Variants in HLCS observed in about 807,000 individuals in gnomAD.
The protein encoded by HLCS is biotin--protein ligase.
HLCS carries 53 observed loss-of-function variants against 75.0 expected under a neutral mutation model. The observed-to-expected ratio is 0.71, with a 90% confidence interval of 0.57 to 0.89. HLCS has a LOEUF of 0.89. HLCS is among the 40% of genes least tolerant of loss of function. The pLI, the probability that HLCS is intolerant of heterozygous loss-of-function variation, is 0.00. For missense variants in HLCS, 966 were observed against 1,074.0 expected, an observed-to-expected ratio of 0.90 and a Z score of 1.41; for synonymous variants, 431 against 428.6, an observed-to-expected ratio of 1.01 and a Z score of -0.07.
chr21:36,983,423 C>T (rs982039908), intron 1 of HLCS, among the ~76,000 whole-genome samples: 2 of 151,852 alleles, frequency 1.3e-5, no homozygotes, highest in African/African-American at 4.8e-5. Flanking sequence ...GTTGGCCAGG[C>T]TGGTCTCGAA....
chr21:36,891,398 A>G (rs556132269), intron 6 of HLCS, among the ~76,000 whole-genome samples: 1 of 152,354 alleles, frequency 6.6e-6, no homozygotes, highest in South Asian at 2.1e-4. Flanking sequence ...GCACACAGTG[A>G]AACCTAATCT....
chr21:36,765,093 C>G lies in HLCS; in HGVS notation c.2040G>C (p.Gln680His), dbSNP rs756081904. 2 of 1,614,212 alleles carry G rather than the reference C, an allele frequency of 1.2e-6. No individual in the cohort carries two copies. The highest frequency in any genetic ancestry group is 1.3e-5 in the African/African-American group (1 of 75,064). The change falls in exon 8 of 11, where the codon CAG becomes CAC. Residue 680 changes from glutamine to histidine, a missense_variant. Transcript: ENST00000674895. Reference protein sequence around the residue: ...TLLISIPLRSQLGQRIPFVQH... With the variant: ...TLLISIPLRSHLGQRIPFVQH... ...GGACAAACGGGATCCTCTGTCCCAGCTGGGATCTCAGTGGAATGGAGATGA... is the reference window on the plus strand; with the variant it reads ...GGACAAACGGGATCCTCTGTCCCAGGTGGGATCTCAGTGGAATGGAGATGA...
rs2145744147 is a variant in HLCS at position 36,759,743 on chromosome 21, T to C, written c.2220A>G (p.Thr740=). The C allele has an allele frequency of 6.3e-7, 1 of 1,596,442 alleles. No individual in the cohort carries two copies. The highest frequency in any genetic ancestry group is 1.1e-5 in the South Asian group (1 of 90,756). Residue 740 remains threonine (T), a synonymous_variant, in exon 9 of 11, where the codon ACA becomes ACG. Transcript: ENST00000674895. ...GAAACTTACCAATAAGTATATAAAA[T>C]GTTTCTCCCATGAGTGTTGAGTTAA... ...VLVNSTLMGE[T]FYILIGCGFN...
intron 6 of HLCS, among the ~76,000 whole-genome samples, chr21:36,838,332 C>A (rs201941377): frequency 0.013 from 1,714 of 132,630 alleles, 42 homozygotes; most frequent in African/African-American, 0.053. Context: ...ACACACACCC[C>A]CACAACCAAC....
intron 6 of HLCS, among the ~76,000 whole-genome samples, chr21:36,894,424 G>C (rs2064926371): frequency 6.6e-6 from 1 of 152,026 alleles, no homozygotes; most frequent in African/African-American, 2.4e-5. Flanking sequence ...TCTATCTCGT[G>C]GTCCCTCTGA....
chr21:36,763,342 C>A (rs576164631), intron 8 of HLCS, among the ~76,000 whole-genome samples: 1 of 152,316 alleles, frequency 6.6e-6, no homozygotes, highest in South Asian at 2.1e-4. Flanking sequence ...TCCTGCTAGA[C>A]AGAATGCACA....
chr21:36,766,077 T>C (rs1048971409), intron 7 of HLCS, among the ~76,000 whole-genome samples: 3 of 152,214 alleles, frequency 2.0e-5, no homozygotes. Flanking sequence ...TCTTGCTCTG[T>C]TGCCTAGGCT....
intron 5 of HLCS, among the ~76,000 whole-genome samples, chr21:36,922,106 T>A (rs185514818): frequency 7.9e-5 from 12 of 152,340 alleles, no homozygotes; most frequent in Admixed American, 2.6e-4. Flanking sequence ...TCTGTTTTTT[T>A]AAATTAAAGC....
chr21:36,956,968 G>A (rs1022055506), intron 2 of HLCS, among the ~76,000 whole-genome samples: 2 of 149,602 alleles, frequency 1.3e-5, no homozygotes. Context: ...CAGAAGAATC[G>A]CTTGAACCCA....
At chr21:36,809,350 T>C (rs963307289) in intron 6 of HLCS, among the ~76,000 whole-genome samples, 1 of 152,236 alleles carries the variant, frequency 6.6e-6, no homozygotes, top group South Asian at 2.1e-4. Context: ...ATGGCTTTTC[T>C]CTTGTTGCTT....
chr21:36,814,892 C>T (rs1353261354), intron 6 of HLCS, among the ~76,000 whole-genome samples: 1 of 152,082 alleles, frequency 6.6e-6, no homozygotes, highest in Non-Finnish European at 1.5e-5. Flanking sequence ...TGCATGGGGT[C>T]AAAGGCAAGA....
chr21:36,900,245 AGATGGAG>A (rs1259376330), intron 5 of HLCS, among the ~76,000 whole-genome samples: 1 of 152,254 alleles, frequency 6.6e-6, no homozygotes, highest in Non-Finnish European at 1.5e-5. Context: ...CAGACCAGAC[AGATGGAG>A]GACCTGCTAA....
intron 6 of HLCS, among the ~76,000 whole-genome samples, chr21:36,846,165 CT>C (rs772807373): frequency 3.3e-5 from 5 of 152,062 alleles, no homozygotes; most frequent in Admixed American, 6.5e-5. Flanking sequence ...ATTTAGTTTC[CT>C]AAAGTTGATG....
chr21:36,848,692 C>A (rs2146127374), intron 6 of HLCS, among the ~76,000 whole-genome samples: 1 of 152,270 alleles, frequency 6.6e-6, no homozygotes, highest in African/African-American at 2.4e-5. Context: ...TTATTGTAGA[C>A]CAATCAATCT....
At chr21:36,817,050 T>C (rs564643648) in intron 6 of HLCS, among the ~76,000 whole-genome samples, 21 of 152,216 alleles carry the variant, frequency 1.4e-4, no homozygotes, top group Non-Finnish European at 2.5e-4. Context: ...TACAGCAGGC[T>C]GCTGCAGGAA....
intron 1 of HLCS, among the ~76,000 whole-genome samples, chr21:36,985,749 G>A (rs1238004011): frequency 6.6e-6 from 1 of 150,604 alleles, no homozygotes; most frequent in African/African-American, 2.5e-5. Flanking sequence ...CTGGGTGACA[G>A]AGTGAGACTT....
At chr21:36,886,761 G>A (rs1280348927) in intron 6 of HLCS, among the ~76,000 whole-genome samples, 2 of 152,138 alleles carry the variant, frequency 1.3e-5, no homozygotes, top group African/African-American at 2.4e-5. Flanking sequence ...CCTAACTAAT[G>A]GGATTAATGC....
At chr21:36,956,587 G>A (rs991685418) in intron 2 of HLCS, among the ~76,000 whole-genome samples, 1 of 152,006 alleles carries the variant, frequency 6.6e-6, no homozygotes, top group Non-Finnish European at 1.5e-5. Context: ...AAAATTAGCC[G>A]GGTGTGGTGG....
At chr21:36,869,211 G>A (rs912711459) in intron 6 of HLCS, among the ~76,000 whole-genome samples, 8 of 151,944 alleles carry the variant, frequency 5.3e-5, no homozygotes, top group Admixed American at 1.3e-4. Flanking sequence ...TGCAAGCTCC[G>A]CCTTCCAGGT....
Sources: allele counts gnomAD v4.1 joint callset (sites outside exome capture counted in the v4.1 genomes callset), GRCh38; gene constraint gnomAD v4.1.1; transcripts MANE v1.5; gene names NCBI Gene and HGNC (gene_info 2026-07-23, HGNC 2026-07-21).